Variants in PDE1C observed in about 807,000 individuals in gnomAD.
The protein encoded by PDE1C is dual specificity calcium/calmodulin-dependent 3',5'-cyclic nucleotide phosphodiesterase 1C.
Under a neutral mutation model 93.1 loss-of-function variants are expected in PDE1C, and 62 were observed. That is an observed-to-expected ratio of 0.67 (90% CI 0.54 to 0.82). The LOEUF is 0.82. Ranked by LOEUF, PDE1C falls within the 40% of genes least tolerant of loss-of-function variation. The probability of loss-of-function intolerance (pLI) is 0.00; values close to 1 mark genes in which losing one functional copy is unlikely to be tolerated. For synonymous variants in PDE1C, 325 were observed against 310.1 expected (o/e 1.05, Z -0.50); for missense variants, 742 against 884.6 (o/e 0.84, Z 2.04).
At chr7:31,744,813 C>T in the PDE1C span, among the ~76,000 whole-genome samples, 1 of 152,078 alleles carries the variant, frequency 6.6e-6, no homozygotes, top group East Asian at 1.9e-4. Context: ...TTCCAAAATT[C>T]GGGAAACTGC....
chr7:31,900,174 C>T (rs1276731982), intron 2 of PDE1C, among the ~76,000 whole-genome samples: 1 of 152,172 alleles, frequency 6.6e-6, no homozygotes, highest in African/African-American at 2.4e-5. Flanking sequence ...TAGCCTATCA[C>T]AGATACTCTC....
upstream of PDE1C, among the ~76,000 whole-genome samples, chr7:32,304,196 C>A (rs1431180137): frequency 2.0e-5 from 3 of 152,058 alleles, no homozygotes; most frequent in African/African-American, 7.2e-5. Flanking sequence ...GGTAACCACC[C>A]GACTTGAAGC....
intron 17 of PDE1C, among the ~76,000 whole-genome samples, chr7:31,764,254 C>A (rs1170083294): frequency 6.6e-6 from 1 of 152,140 alleles, no homozygotes; most frequent in African/African-American, 2.4e-5. Context: ...AAGTGATTCT[C>A]CTGCCTCAGA....
At chr7:31,757,933 G>A (rs1190559731) in intron 17 of PDE1C, among the ~76,000 whole-genome samples, 2 of 152,182 alleles carry the variant, frequency 1.3e-5, no homozygotes, top group African/African-American at 2.4e-5. Context: ...TTAAGAAAAT[G>A]TGGCACATAT....
chr7:32,391,941 A>G (rs1005959653), intron 1 of PDE1C, among the ~76,000 whole-genome samples: 2 of 152,168 alleles, frequency 1.3e-5, no homozygotes, highest in East Asian at 3.9e-4. Context: ...TAGAAAGAGC[A>G]GGCAAAACAA....
chr7:31,856,189 A>G (rs1446663257), intron 7 of PDE1C, among the ~76,000 whole-genome samples: 1 of 152,210 alleles, frequency 6.6e-6, no homozygotes, highest in Non-Finnish European at 1.5e-5. Context: ...AAATGATTTA[A>G]AGCGTTTTCT....
chr7:32,156,339 G>A (rs935589090), intron 3 of PDE1C, among the ~76,000 whole-genome samples: 2 of 152,088 alleles, frequency 1.3e-5, no homozygotes, highest in African/African-American at 4.8e-5. Context: ...GTGTTCATGT[G>A]TTCTCATTGT....
At chr7:32,049,445 T>C (rs564371580) in intron 2 of PDE1C, among the ~76,000 whole-genome samples, 2 of 152,274 alleles carry the variant, frequency 1.3e-5, no homozygotes, top group African/African-American at 4.8e-5. Context: ...CCTGAAGCCA[T>C]GATTTTTAGT....
intron 2 of PDE1C, among the ~76,000 whole-genome samples, chr7:31,947,505 T>C (rs1806778055): frequency 6.6e-6 from 1 of 152,146 alleles, no homozygotes; most frequent in South Asian, 2.1e-4. Context: ...TTAGGCTGGG[T>C]CCTTTTTATT....
intron 2 of PDE1C, among the ~76,000 whole-genome samples, chr7:32,024,268 T>C (rs890310439): frequency 6.6e-6 from 1 of 151,924 alleles, no homozygotes; most frequent in Non-Finnish European, 1.5e-5. Context: ...AAAACCTGAT[T>C]TGGGGGGAAA....
At chr7:32,386,213 A>G (rs1274987722) in intron 1 of PDE1C, among the ~76,000 whole-genome samples, 1 of 137,454 alleles carries the variant, frequency 7.3e-6, no homozygotes, top group Non-Finnish European at 1.6e-5. Flanking sequence ...TTGCCAAAGA[A>G]AAATATATGC....
At chr7:32,402,456 C>T (rs1332604065) in intron 1 of PDE1C, among the ~76,000 whole-genome samples, 1 of 151,928 alleles carries the variant, frequency 6.6e-6, no homozygotes, top group Non-Finnish European at 1.5e-5. Flanking sequence ...TTTTCAAGGG[C>T]AAGCAGAGAT....
At chr7:31,808,632 GAA>G (rs1217925251) in intron 16 of PDE1C, among the ~76,000 whole-genome samples, 1 of 151,836 alleles carries the variant, frequency 6.6e-6, no homozygotes, top group Non-Finnish European at 1.5e-5. Context: ...AAAAAAACAT[GAA>G]AACATAAAAC....
chr7:31,867,305 G>A (rs753122872), intron 6 of PDE1C, among the ~76,000 whole-genome samples: 2 of 152,046 alleles, frequency 1.3e-5, no homozygotes, highest in Non-Finnish European at 2.9e-5. Context: ...CCAGCCACCC[G>A]TATACAGCTG....
rs215709 is a variant in PDE1C at position 32,367,917 on chromosome 7, T to A, written c.310+59905A>T. Among the ~76,000 whole-genome samples, 18 of 151,620 alleles carry A rather than the reference T, an allele frequency of 1.2e-4. No homozygotes were observed. The East Asian group carries it at 2.3e-3, about 19-fold the overall frequency. On this transcript the variant is annotated intron_variant, in intron 1 of 1. Transcript: ENST00000672256. ...AACATCACAGCACTGCACTCCAGCCTGGATGACAGAACAAGACCCTATCTC... is the reference window on the plus strand; with the variant it reads ...AACATCACAGCACTGCACTCCAGCCAGGATGACAGAACAAGACCCTATCTC...
At chr7:32,299,403 CT>C (rs1255678524), upstream of PDE1C, 2 of 985,474 alleles carry the variant, frequency 2.0e-6, no homozygotes, top group Non-Finnish European at 2.4e-6. Flanking sequence ...AGTGTTTCTT[CT>C]CCACTGTCCC....
At chr7:32,033,445 A>G (rs1039726718) in intron 2 of PDE1C, among the ~76,000 whole-genome samples, 6 of 152,132 alleles carry the variant, frequency 3.9e-5, no homozygotes, top group African/African-American at 1.4e-4. Flanking sequence ...TAAGGGGATA[A>G]ATGTCCTTCC....
intron 3 of PDE1C, among the ~76,000 whole-genome samples, chr7:32,119,163 T>C (rs1270916645): frequency 6.6e-6 from 1 of 152,154 alleles, no homozygotes; most frequent in Non-Finnish European, 1.5e-5. Flanking sequence ...CCTCTATTTA[T>C]GCTCAAATTC....
rs1450391959 is a variant in PDE1C at position 31,753,171 on chromosome 7, G to T, written c.*213C>A. The T allele has an allele frequency of 2.3e-6, 1 of 436,776 alleles. No individual in the cohort carries two copies. The highest frequency in any genetic ancestry group is 3.9e-6 in the Non-Finnish European group (1 of 257,892). The allele number at this position is 436,776 out of a possible 1,614,324, so 27.1% of individuals were successfully genotyped here. On this transcript the variant is annotated 3_prime_UTR_variant, in exon 18 of 18. Transcript: ENST00000396191. ...CTTGCTAGTTTGTTGCTGGCGTCTGGGCTGATCCCACATACAGCAATTGAA... is the reference window on the plus strand; with the variant it reads ...CTTGCTAGTTTGTTGCTGGCGTCTGTGCTGATCCCACATACAGCAATTGAA...
Sources: gnomAD v4.1 joint callset for allele counts (sites outside exome capture counted in the v4.1 genomes callset) on GRCh38, gnomAD v4.1.1 for gene constraint, MANE v1.5 for transcripts, NCBI Gene and HGNC (gene_info 2026-07-23, HGNC 2026-07-21) for gene names.